Variants in THOC1 observed in about 807,000 individuals in gnomAD.
THOC1 encodes THO complex subunit 1, also known as THO complex 1.
In THOC1, 29 loss-of-function variants were observed where a neutral mutation model predicts 97.3. That is an observed-to-expected ratio of 0.30 (90% CI 0.22 to 0.41). The LOEUF is 0.41. THOC1 is among the 10% of genes least tolerant of loss of function. THOC1 has a pLI of 1.00. For synonymous variants in THOC1, 255 were observed against 257.0 expected, an observed-to-expected ratio of 0.99 and a Z score of 0.07; for missense variants, 529 against 761.9, an observed-to-expected ratio of 0.69 and a Z score of 3.60.
At chr18:243,125 G>T (rs1911963593) in intron 11 of THOC1, among the ~76,000 whole-genome samples, 1 of 152,130 alleles carries the variant, frequency 6.6e-6, no homozygotes, top group Non-Finnish European at 1.5e-5. Context: ...GTACAATTTT[G>T]TGCCTTTTTC....
chr18:260,196 G>T lies in THOC1; in HGVS notation c.365C>A (p.Thr122Asn), dbSNP rs755414662. 47 of 1,553,862 alleles carry T rather than the reference G, an allele frequency of 3.0e-5. No homozygotes were observed. Among genetic ancestry groups the T allele is most frequent in the Non-Finnish European group, 3.9e-5 (45 of 1,152,412 alleles). ...IFTFVEKNVA[T>N]WKSNTFYSAG... ...AACTAAGGCACTTACTGATTTCCAA[G>T]TAGCAACATTTTTTTCCACAAAAGT... The change falls in exon 5 of 21, where the codon ACT (threonine) becomes AAT (asparagine). Residue 122 changes from threonine to asparagine, a missense_variant. By Grantham distance (65) the Thr-to-Asn change is moderately conservative. Transcript: ENST00000261600.
rs371493773 is a variant in THOC1 at position 254,245 on chromosome 18, A to G, written c.603+28T>C. On this transcript the variant is annotated intron_variant, in intron 8 of 20. Coordinates refer to ENST00000261600, the MANE Select transcript of THOC1 (RefSeq NM_005131.3). The surrounding 1 kb of genome is among the most constrained non-coding windows in gnomAD (Gnocchi z 4.1). Reference sequence around the variant, plus strand: ...TTAATAACAAACTTGCAAATATGTTATCTGAGAAGATTTCAAATCAGCCTC... The same window carrying G: ...TTAATAACAAACTTGCAAATATGTTGTCTGAGAAGATTTCAAATCAGCCTC... 3 of 1,486,424 alleles carry G rather than the reference A, an allele frequency of 2.0e-6. No homozygotes were observed. The highest frequency in any genetic ancestry group is 2.8e-5 in the African/African-American group (2 of 72,246). 92.1% of individuals were successfully genotyped at this position (1,486,424 alleles called of 1,614,324 possible).
intron 11 of THOC1, among the ~76,000 whole-genome samples, chr18:228,527 G>GAA (rs372423094): frequency 2.6e-4 from 39 of 150,660 alleles, no homozygotes; most frequent in African/African-American, 5.6e-4. Context: ...ATGTAAGGGG[G>GAA]AAAAAAAAAC....
chr18:255,102 T>C (rs139112110), intron 7 of THOC1, among the ~76,000 whole-genome samples: 4 of 152,318 alleles, frequency 2.6e-5, no homozygotes, highest in African/African-American at 9.6e-5. Context: ...ACCGTTCCCA[T>C]GACTCTCTCT....
At chr18:262,688 G>A (rs781011348) in intron 4 of THOC1, among the ~76,000 whole-genome samples, 18 of 152,214 alleles carry the variant, frequency 1.2e-4, no homozygotes, top group Non-Finnish European at 2.2e-4. Flanking sequence ...TGATTAGGCA[G>A]CTTGTATAAA....
chr18:265,607 A>T, intron 1 of THOC1, 77 bp from the exon 2 acceptor site: 1 of 1,177,580 alleles, frequency 8.5e-7, no homozygotes, highest in East Asian at 2.6e-5. Flanking sequence ...GTTCATTGAT[A>T]GTGTATCTTA....
intron 11 of THOC1, among the ~76,000 whole-genome samples, chr18:238,016 A>G (rs1863326411): frequency 6.6e-6 from 1 of 151,940 alleles, no homozygotes; most frequent in African/African-American, 2.4e-5. Context: ...ACAGGCACGC[A>G]CCACCACGCC....
chr18:259,855 CTT>C, intron 5 of THOC1, 125 bp from the exon 6 acceptor site: 1 of 621,970 alleles, frequency 1.6e-6, no homozygotes, highest in Non-Finnish European at 2.6e-6. Flanking sequence ...GCCACTTTCA[CTT>C]TTTTTAAGCA....
intron 11 of THOC1, among the ~76,000 whole-genome samples, chr18:243,558 A>G (rs941106817): frequency 2.0e-5 from 3 of 151,976 alleles, no homozygotes; most frequent in Non-Finnish European, 4.4e-5. Context: ...ATATATATAT[A>G]TATCAATTAA....
Position 246,269 on chromosome 18 carries a change from G to A in THOC1, c.918+55C>T, listed in dbSNP as rs532732996. 181 of 1,318,564 alleles carry A rather than the reference G, an allele frequency of 1.4e-4. No homozygotes were observed. The African/African-American group carries it at 2.2e-3, about 16-fold the overall frequency. 81.7% of individuals were successfully genotyped at this position (1,318,564 alleles called of 1,614,324 possible). On this transcript the variant is annotated intron_variant, in intron 11 of 20. Coordinates refer to ENST00000261600, the MANE Select transcript of THOC1 (RefSeq NM_005131.3). ...AACTTAGAAAGGCTGTCAGCTAAAC[G>A]GAAATAAAACAAGACCATTTCTTAT...
In THOC1 at chr18:224,919, T is replaced by A. The variant is rs545319669; in HGVS notation, c.1208+5A>T. The A allele has an allele frequency of 1.3e-6, 2 of 1,564,942 alleles. No individual in the cohort carries two copies. Among genetic ancestry groups the A allele is most frequent in the East Asian group, 4.6e-5 (2 of 43,130 alleles). ...GTATTTACCTTTCTTTCAGTATGTA[T>A]TTACCTTTCTTTCACAAAACTTGGG... On this transcript the variant is annotated splice_donor_5th_base_variant and intron_variant, in intron 15 of 20. Transcript: ENST00000261600.
At chr18:235,338 GTTTT>G (rs1870206319) in intron 11 of THOC1, among the ~76,000 whole-genome samples, 1 of 151,874 alleles carries the variant, frequency 6.6e-6, no homozygotes, top group African/African-American at 2.4e-5. Flanking sequence ...GTTTTAGTTT[GTTTT>G]ATTTCACTAA....
intron 11 of THOC1, among the ~76,000 whole-genome samples, chr18:237,672 T>C (rs1911755507): frequency 6.6e-6 from 1 of 152,158 alleles, no homozygotes; most frequent in Non-Finnish European, 1.5e-5. Flanking sequence ...CGTTAAACAA[T>C]TTAAACTTTT....
chr18:255,842 A>G (rs558728824), intron 7 of THOC1, among the ~76,000 whole-genome samples: 1 of 152,320 alleles, frequency 6.6e-6, no homozygotes, highest in Admixed American at 6.5e-5. Context: ...GCCAATGTTC[A>G]TTTACCATTC....
intron 19 of THOC1, chr18:215,833 AGTGTC>A (rs1347668460): frequency 3.7e-6 from 1 of 269,794 alleles, no homozygotes; most frequent in East Asian, 8.4e-5. Context: ...CAGTAGCAAC[AGTGTC>A]CTTAAAAGTT....
chr18:246,424 C>G lies in THOC1; in HGVS notation c.818G>C (p.Ser273Thr). The G allele has an allele frequency of 6.3e-7, 1 of 1,579,016 alleles. No individual in the cohort carries two copies. Among genetic ancestry groups the G allele is most frequent in the Non-Finnish European group, 8.6e-7 (1 of 1,156,122 alleles). ...YSEEVLAVFK[S>T]YKLDDTQASR... is the part of the protein sequence containing the mutation. ...GGCCTGAGTATCATCTAATTTATAACTCTTAAAAACAGCTAAAACTTCTTC... is the reference window on the plus strand; with the variant it reads ...GGCCTGAGTATCATCTAATTTATAAGTCTTAAAAACAGCTAAAACTTCTTC... The change falls in exon 11 of 21, where the codon AGT becomes ACT. Residue 273 changes from serine to threonine, a missense_variant. Physicochemically the swap from Ser to Thr is moderately conservative, Grantham distance 58. Coordinates refer to ENST00000261600, the MANE Select transcript of THOC1 (RefSeq NM_005131.3).
At chr18:221,606 CTT>C (rs369952039) in intron 17 of THOC1, among the ~76,000 whole-genome samples, 8 of 110,918 alleles carry the variant, frequency 7.2e-5, no homozygotes, top group East Asian at 5.3e-4. Context: ...ATAGATGGAT[CTT>C]TTTTTTTTTT....
chr18:250,498 CA>C (rs1449488777), intron 9 of THOC1, among the ~76,000 whole-genome samples: 2 of 151,964 alleles, frequency 1.3e-5, no homozygotes, highest in African/African-American at 4.8e-5. Flanking sequence ...CTATTTTAAC[CA>C]AAAAAACTCT....
chr18:223,559 G>A, intron 16 of THOC1, 54 bp from the exon 17 acceptor site: 1 of 1,359,480 alleles, frequency 7.4e-7, no homozygotes, highest in Admixed American at 2.1e-5. Flanking sequence ...ATCCTCATGT[G>A]CCTTGAAACT....
Sources: allele counts gnomAD v4.1 joint callset (sites outside exome capture counted in the v4.1 genomes callset), GRCh38; gene constraint gnomAD v4.1.1; non-coding constraint Gnocchi (gnomAD v3.1); transcripts MANE v1.5; gene names NCBI Gene and HGNC (gene_info 2026-07-23, HGNC 2026-07-21).